The following RSPH1 variants were observed in gnomAD, a reference collection of about 807,000 sequenced individuals.
RSPH1 encodes radial spoke head 1 homolog.
Under a neutral mutation model 44.2 loss-of-function variants are expected in RSPH1, and 32 were observed. That is an observed-to-expected ratio of 0.72 (90% CI 0.55 to 0.97). The LOEUF (loss-of-function observed/expected upper bound fraction) is 0.97. Ranked by LOEUF, RSPH1 falls within the 50% of genes least tolerant of loss-of-function variation. The probability of loss-of-function intolerance (pLI) is 0.00; values close to 1 mark genes in which losing one functional copy is unlikely to be tolerated. For synonymous variants in RSPH1, 134 were observed against 147.3 expected (o/e 0.91, Z 0.65); for missense variants, 391 against 398.7 (o/e 0.98, Z 0.16).
intron 3 of RSPH1, among the ~76,000 whole-genome samples, chr21:42,492,145 C>T (rs962869662): frequency 6.6e-6 from 1 of 152,228 alleles, no homozygotes; most frequent in East Asian, 1.9e-4. Flanking sequence ...CTGCCGGTCC[C>T]CCTGCCCAGG....
chr21:42,492,993 G>C lies in RSPH1; in HGVS notation c.141C>G (p.Ser47Arg). The change falls in exon 2 of 9, where the codon AGC (serine) becomes AGG (arginine). Residue 47 changes from serine to arginine, a missense_variant. By Grantham distance (110) the Ser-to-Arg change is moderately radical. Transcript: ENST00000291536. ...GGCCATGTCTTTTACCGAATTCGTA[G>C]CTCCCTTCGTAGGTGTCCCCGTTGG... is the stretch of plus-strand genomic sequence containing the variant. ...RLPNGDTYEG[S>R]YEFGKRHGQG... is the part of the protein sequence containing the mutation. The C allele has an allele frequency of 6.2e-7, 1 of 1,614,186 alleles. No homozygotes were observed. Among genetic ancestry groups the C allele is most frequent in the Non-Finnish European group, 8.5e-7 (1 of 1,180,036 alleles).
At position 42,477,546 on chromosome 21, in the gene RSPH1, G is replaced by A. The variant is rs531941483; in HGVS notation, c.574-102C>T. On this transcript the variant is annotated intron_variant, in intron 6 of 8. Transcript: ENST00000291536. ...GGACAAGTTTTGAAAGACAGGTTTT[G>A]GCTTGTGTTTCAGCCTTTTTAGGAC... The A allele has an allele frequency of 5.4e-6, 7 of 1,295,176 alleles. No individual in the cohort carries two copies. In the East Asian group the frequency reaches 1.6e-4, roughly 30 times the overall value. 80.2% of individuals were successfully genotyped at this position (1,295,176 alleles called of 1,614,324 possible).
intron 7 of RSPH1, 141 bp from the exon 8 acceptor site, chr21:42,476,188 A>C: frequency 1.3e-6 from 1 of 795,420 alleles, no homozygotes; most frequent in Non-Finnish European, 2.0e-6. Context: ...CCATCTCAAC[A>C]TCCACCCAGC....
chr21:42,481,389 T>C lies in RSPH1; in HGVS notation c.573+1248A>G, dbSNP rs191742609. On this transcript the variant is annotated intron_variant, in intron 6 of 8. Coordinates refer to ENST00000291536, the MANE Select transcript of RSPH1 (RefSeq NM_080860.4). ...CTGTGAACCAAATAAACCTCTCTTC[T>C]TTATAATCTACCCAGCTTCAGGAAT... 1.5e-3 allele frequency among the ~76,000 whole-genome samples: 233 copies of C among 152,206 alleles called. 5 individuals are homozygous for C. The highest frequency in any genetic ancestry group is 5.1e-3 in the African/African-American group (212 of 41,540).
In RSPH1 at chr21:42,475,908, G is replaced by A; in HGVS notation, c.867C>T (p.Asp289=). The A allele has an allele frequency of 1.2e-6, 2 of 1,610,898 alleles. No individual in the cohort carries two copies. Among genetic ancestry groups the A allele is most frequent in the Non-Finnish European group, 8.5e-7 (1 of 1,179,414 alleles). Reference sequence around the variant, plus strand: ...GCGCAGGGACCTCACCCTCATCCATGTCATAGCGGAACTCCTCCTGGTCAT... The same window carrying A: ...GCGCAGGGACCTCACCCTCATCCATATCATAGCGGAACTCCTCCTGGTCAT... The part of the protein sequence containing the change: ...REYDQEEFRY[D]MDEGNINSEE... Residue 289 remains aspartate (D), a synonymous_variant, in exon 8 of 9, where the codon GAC becomes GAT. Transcript: ENST00000291536.
At position 42,496,208 on chromosome 21, in the gene RSPH1, A is replaced by G. The variant is rs1282985976; in HGVS notation, c.-22T>C. ...ACATGGTCTCGCCCCAGCCTGGATCACAGCCGCAGCGCCTCTAGCAGGTGG... is the reference window on the plus strand; with the variant it reads ...ACATGGTCTCGCCCCAGCCTGGATCGCAGCCGCAGCGCCTCTAGCAGGTGG... On this transcript the variant is annotated 5_prime_UTR_variant, in exon 1 of 9. Transcript: ENST00000291536. The G allele has an allele frequency of 6.2e-7, 1 of 1,613,742 alleles. No homozygotes were observed. Among genetic ancestry groups the G allele is most frequent in the African/African-American group, 1.3e-5 (1 of 74,904 alleles).
intron 3 of RSPH1, among the ~76,000 whole-genome samples, chr21:42,488,466 C>T (rs2054201821): frequency 6.6e-6 from 1 of 152,214 alleles, no homozygotes; most frequent in African/African-American, 2.4e-5. Flanking sequence ...TCAGCTGAAA[C>T]AGGTACATCA....
chr21:42,478,714 G>A (rs1379644253), intron 6 of RSPH1, among the ~76,000 whole-genome samples: 1 of 152,216 alleles, frequency 6.6e-6, no homozygotes, highest in Non-Finnish European at 1.5e-5. Context: ...CAAAGGAACT[G>A]AAAACAGAGA....
intron 7 of RSPH1, 38 bp from the exon 8 acceptor site, chr21:42,476,085 G>GA (rs758873956): frequency 4.3e-6 from 7 of 1,611,290 alleles, no homozygotes; most frequent in Admixed American, 1.7e-5. Context: ...GAGTTCCTGG[G>GA]AAAAATGGAG....
rs59030165 is a variant in RSPH1 at position 42,473,481 on chromosome 21, T to G, written c.878-611A>C. Among the ~76,000 whole-genome samples, 349 of 113,898 alleles carry G rather than the reference T, an allele frequency of 3.1e-3. 4 individuals carry two copies. Among genetic ancestry groups the G allele is most frequent in the East Asian group, 0.03 (120 of 4,040 alleles). 74.7% of individuals were successfully genotyped at this position (113,898 alleles called of 152,430 possible). A position where few individuals can be genotyped will look rare whatever the true frequency, so the allele number is the denominator to read the frequency against. ...CTTCAGCCTGAGCAACAGAGCAAGA[T>G]TCCATCTTAAAAAAAAAAAAAAAAA... On this transcript the variant is annotated intron_variant, in intron 8 of 8. Coordinates refer to ENST00000291536, the MANE Select transcript of RSPH1 (RefSeq NM_080860.4).
At chr21:42,493,243 C>A (rs1425000030) in intron 1 of RSPH1, among the ~76,000 whole-genome samples, 164 bp from the exon 2 acceptor site, 1 of 152,178 alleles carries the variant, frequency 6.6e-6, no homozygotes, top group Non-Finnish European at 1.5e-5. Flanking sequence ...AGGTAGGTAA[C>A]AACGCCTGGG....
At chr21:42,481,111 C>G (rs947766704) in intron 6 of RSPH1, among the ~76,000 whole-genome samples, 1 of 152,020 alleles carries the variant, frequency 6.6e-6, no homozygotes, top group Non-Finnish European at 1.5e-5. Flanking sequence ...GTTTGGGTCA[C>G]GGGGGCAGAT....
intron 6 of RSPH1, among the ~76,000 whole-genome samples, chr21:42,480,576 T>C (rs890229079): frequency 3.5e-5 from 5 of 143,408 alleles, no homozygotes; most frequent in African/African-American, 1.3e-4. Context: ...GGAGGTGGAG[T>C]TTGCGTTGAG....
Position 42,486,361 on chromosome 21 carries a change from G to A in RSPH1, c.365+10C>T, listed in dbSNP as rs962821435. ...GCAAATCCCGTTAAGACCCAAGATAGAAACCGAACCTTTGATGAGCAAACC... is the reference window on the plus strand; with the variant it reads ...GCAAATCCCGTTAAGACCCAAGATAAAAACCGAACCTTTGATGAGCAAACC... On this transcript the variant is annotated intron_variant, in intron 4 of 8. Coordinates refer to ENST00000291536, the MANE Select transcript of RSPH1 (RefSeq NM_080860.4). The A allele has an allele frequency of 1.9e-6, 3 of 1,599,176 alleles. No homozygotes were observed. The highest frequency in any genetic ancestry group is 8.6e-7 in the Non-Finnish European group (1 of 1,166,468).
intron 6 of RSPH1, among the ~76,000 whole-genome samples, chr21:42,478,756 T>G (rs1249754253): frequency 3.9e-5 from 6 of 152,272 alleles, no homozygotes; most frequent in African/African-American, 1.4e-4. Context: ...CAATGTTCAC[T>G]GCAGCATTAT....
rs1024025204 is a variant in RSPH1, at chr21:42,477,437, C to T, written c.581G>A (p.Gly194Glu). Residue 194 changes from glycine (G) to glutamate (E), a missense_variant, in exon 7 of 9, where the codon GGA (glycine) becomes GAA (glutamate). By Grantham distance (98) the Gly-to-Glu change is moderately conservative (BLOSUM62 -2). Transcript: ENST00000291536. ...GEYRLTDMERGEEEEEEELVT... is the reference protein window; with the variant it reads ...GEYRLTDMEREEEEEEEELVT... ...TAATTCTTCCTCCTCTTCCTCTTCT[C>T]CTCTTTCCTATTTTAAGTGCAAAAA... The T allele has an allele frequency of 1.2e-6, 2 of 1,613,834 alleles. No individual in the cohort carries two copies. The highest frequency in any genetic ancestry group is 2.2e-5 in the East Asian group (1 of 44,900).
chr21:42,479,022 G>A (rs748682767), intron 6 of RSPH1, among the ~76,000 whole-genome samples: 6 of 152,166 alleles, frequency 3.9e-5, no homozygotes, highest in Non-Finnish European at 7.4e-5. Flanking sequence ...CTGGGATAAC[G>A]GACAAGCTCC....
intron 7 of RSPH1, 49 bp from the exon 8 acceptor site, chr21:42,476,096 C>T (rs772588595): frequency 6.2e-7 from 1 of 1,603,566 alleles, no homozygotes; most frequent in South Asian, 1.1e-5. Flanking sequence ...AAAAATGGAG[C>T]CTGCAGACCT....
intron 5 of RSPH1, chr21:42,485,259 C>T: frequency 5.8e-6 from 1 of 171,398 alleles, no homozygotes; most frequent in Non-Finnish European, 1.3e-5. Flanking sequence ...GGGGGTCTTC[C>T]TCCCCAGGGA....
Sources: gnomAD v4.1 joint callset for allele counts (sites outside exome capture counted in the v4.1 genomes callset) on GRCh38, gnomAD v4.1.1 for gene constraint, MANE v1.5 for transcripts, NCBI Gene and HGNC (gene_info 2026-07-23, HGNC 2026-07-21) for gene names.